GHR: variants seen among roughly 807,000 people sequenced by gnomAD.
GHR encodes GH receptor.
A neutral mutation model predicts 67.1 loss-of-function variants in GHR; 35 were observed. The ratio of observed to expected loss-of-function variants is 0.52; its 90% CI spans 0.40 to 0.69. The LOEUF is 0.69. Among genes scored for constraint, GHR ranks in the 30% least tolerant of loss-of-function variants. The probability of loss-of-function intolerance (pLI) is 0.00; values close to 1 mark genes in which losing one functional copy is unlikely to be tolerated. For synonymous variants in GHR, 272 were observed against 269.1 expected, an observed-to-expected ratio of 1.01 and a Z score of -0.10; for missense variants, 792 against 764.6, an observed-to-expected ratio of 1.04 and a Z score of -0.42.
intron 3 of GHR, among the ~76,000 whole-genome samples, chr5:42,656,137 C>T (rs1755243726): frequency 6.6e-6 from 1 of 152,078 alleles, no homozygotes; most frequent in Admixed American, 6.6e-5. Context: ...AAAGATACTA[C>T]AAACAACCCC....
chr5:42,603,439 T>TTC (rs1008185792), intron 2 of GHR, among the ~76,000 whole-genome samples: 3 of 152,164 alleles, frequency 2.0e-5, no homozygotes, highest in African/African-American at 7.2e-5. Flanking sequence ...TTGAATTTTT[T>TTC]TCTCTCTCTC....
rs553472651 is a variant in GHR at position 42,694,908 on chromosome 5, T to C, written c.267-9T>C. 2.1e-5 allele frequency: 34 copies of C among 1,601,330 alleles called. No homozygotes were observed. In the Admixed American group the frequency reaches 2.2e-4, roughly 10 times the overall value. On this transcript the variant is annotated splice_polypyrimidine_tract_variant and intron_variant, in intron 4 of 9. Transcript: ENST00000230882. The stretch of plus-strand genomic sequence containing the variant: ...GAACAATTAATCTTTTTTTAACCCT[T>C]CATTTTAGGAACACTCAAGAATGGA...
At chr5:42,618,953 A>G (rs1184211995) in intron 2 of GHR, among the ~76,000 whole-genome samples, 1 of 152,116 alleles carries the variant, frequency 6.6e-6, no homozygotes, top group Non-Finnish European at 1.5e-5. Context: ...TGCCTTGCAC[A>G]TAATAAGTGC....
intron 3 of GHR, among the ~76,000 whole-genome samples, chr5:42,649,929 C>G (rs528771520): frequency 1.3e-5 from 2 of 152,116 alleles, no homozygotes; most frequent in East Asian, 3.9e-4. Context: ...GAATGGTGAG[C>G]CAGCCACCCA....
chr5:42,606,911 G>A (rs1752655292), intron 2 of GHR, among the ~76,000 whole-genome samples: 1 of 152,082 alleles, frequency 6.6e-6, no homozygotes, highest in Non-Finnish European at 1.5e-5. Flanking sequence ...GTGGTCCAGA[G>A]ATAATTGCAA....
At chr5:42,508,992 T>C (rs955057033) in intron 1 of GHR, among the ~76,000 whole-genome samples, 15 of 152,366 alleles carry the variant, frequency 9.8e-5, no homozygotes, top group African/African-American at 3.1e-4. Flanking sequence ...GGGTGGTTAT[T>C]TGCTACTTGG....
At chr5:42,451,174 G>A (rs546920439) in intron 1 of GHR, among the ~76,000 whole-genome samples, 1 of 152,140 alleles carries the variant, frequency 6.6e-6, no homozygotes, top group Non-Finnish European at 1.5e-5. Flanking sequence ...TAAGCCCATT[G>A]TTTCTTTGTT....
intron 1 of GHR, among the ~76,000 whole-genome samples, chr5:42,440,595 GT>G (rs1479312632): frequency 6.6e-6 from 1 of 152,134 alleles, no homozygotes; most frequent in Admixed American, 6.5e-5. Context: ...CCATTGAAGG[GT>G]TTGAAGCAGG....
At position 42,548,487 on chromosome 5, in the gene GHR, C is replaced by T. The variant is rs982941391; in HGVS notation, c.-11-17377C>T. On this transcript the variant is annotated intron_variant, in intron 1 of 9. Transcript: ENST00000230882. ...GATATAAAGCCTGGAGGAAACAATACGAAAATCCAGCCTCTATTTCAGCAA... is the reference window on the plus strand; with the variant it reads ...GATATAAAGCCTGGAGGAAACAATATGAAAATCCAGCCTCTATTTCAGCAA... 4.1e-6 allele frequency: 4 copies of T among 984,744 alleles called. No individual in the cohort carries two copies. In the African/African-American group the frequency reaches 5.2e-5, roughly 13 times the overall value. 61.0% of individuals were successfully genotyped at this position (984,744 alleles called of 1,614,324 possible). A position where few individuals can be genotyped will look rare whatever the true frequency, so the allele number is the denominator to read the frequency against.
chr5:42,656,355 G>A (rs540373245), intron 3 of GHR, among the ~76,000 whole-genome samples: 33 of 152,216 alleles, frequency 2.2e-4, no homozygotes, highest in South Asian at 1.0e-3. Flanking sequence ...GTCTTGCATG[G>A]TCCATTTTGA....
At chr5:42,568,209 T>C (rs1750063579) in intron 2 of GHR, among the ~76,000 whole-genome samples, 1 of 152,148 alleles carries the variant, frequency 6.6e-6, no homozygotes, top group South Asian at 2.1e-4. Flanking sequence ...ATTAGAAATA[T>C]ACTGGCCCTG....
chr5:42,607,943 T>C lies in GHR; in HGVS notation c.71-21095T>C, dbSNP rs1176731711. 2.0e-5 allele frequency among the ~76,000 whole-genome samples: 3 copies of C among 152,248 alleles called. No individual in the cohort carries two copies. The East Asian group carries it at 5.8e-4, about 29-fold the overall frequency. On this transcript the variant is annotated intron_variant, in intron 2 of 9. Coordinates refer to ENST00000230882, the MANE Select transcript of GHR (RefSeq NM_000163.5). The stretch of plus-strand genomic sequence containing the variant: ...AAAGTGAAGGAAGCAAATACCTTTA[T>C]TATTTTACAACTGAAGTTACCTGTT...
At chr5:42,451,105 A>C (rs1468971967) in intron 1 of GHR, among the ~76,000 whole-genome samples, 2 of 152,146 alleles carry the variant, frequency 1.3e-5, no homozygotes, top group Non-Finnish European at 2.9e-5. Context: ...TATATTCTAC[A>C]TTTTTAGGTA....
At chr5:42,432,387 A>T (rs1743132967) in intron 1 of GHR, among the ~76,000 whole-genome samples, 1 of 152,172 alleles carries the variant, frequency 6.6e-6, no homozygotes, top group Non-Finnish European at 1.5e-5. Context: ...GCTGTAAATG[A>T]TCATCTTGAA....
chr5:42,713,757 G>T, intron 8 of GHR: 1 of 439,464 alleles, frequency 2.3e-6, no homozygotes, highest in African/African-American at 2.0e-5. Flanking sequence ...GACATTAAGA[G>T]GCTTAGGCTG....
rs1182799025 is a variant in GHR at position 42,474,257 on chromosome 5, C to CAGACAGACAGAAAGAAAGAAAGAA, written c.-12+50305_-12+50306insCAGACAGAAAGAAAGAAAGAAAGA. On this transcript the variant is annotated intron_variant, in intron 1 of 9. Coordinates refer to ENST00000230882, the MANE Select transcript of GHR (RefSeq NM_000163.5). ...AGAAAGAAAGAGAGAGAAAGACAGACAGAAAGAAAGAAAGAAAGAAAGAAA... is the reference window on the plus strand; with the variant it reads ...AGAAAGAAAGAGAGAGAAAGACAGACAGACAGACAGAAAGAAAGAAAGAAAGAAAGAAAGAAAGAAAGAAAGAAA... 2.1e-3 allele frequency among the ~76,000 whole-genome samples: 181 copies of CAGACAGACAGAAAGAAAGAAAGAA among 88,036 alleles called. 2 individuals are homozygous for CAGACAGACAGAAAGAAAGAAAGAA. The highest frequency in any genetic ancestry group is 7.5e-3 in the African/African-American group (177 of 23,452). 57.8% of individuals were successfully genotyped at this position (88,036 alleles called of 152,430 possible). A position where few individuals can be genotyped will look rare whatever the true frequency, so the allele number is the denominator to read the frequency against.
chr5:42,475,974 G>C (rs1188335225), intron 1 of GHR, among the ~76,000 whole-genome samples: 1 of 149,202 alleles, frequency 6.7e-6, no homozygotes, highest in Non-Finnish European at 1.5e-5. Flanking sequence ...GCGGGATCTC[G>C]GCTCACTGCA....
chr5:42,595,556 CT>C (rs1752022968), intron 2 of GHR, among the ~76,000 whole-genome samples: 1 of 152,120 alleles, frequency 6.6e-6, no homozygotes, highest in Admixed American at 6.5e-5. Flanking sequence ...ATTTATTTTT[CT>C]TAATATGTTT....
chr5:42,606,020 C>T (rs1400482170), intron 2 of GHR, among the ~76,000 whole-genome samples: 4 of 152,138 alleles, frequency 2.6e-5, no homozygotes, highest in Admixed American at 2.6e-4. Flanking sequence ...CATTTAAAAC[C>T]ACTTCTTTGT....
Sources: gnomAD v4.1 joint callset for allele counts (sites outside exome capture counted in the v4.1 genomes callset) on GRCh38, gnomAD v4.1.1 for gene constraint, MANE v1.5 for transcripts, NCBI Gene and HGNC (gene_info 2026-07-23, HGNC 2026-07-21) for gene names.